Variants in PDE10A observed in about 807,000 individuals in gnomAD.
PDE10A encodes cAMP and cAMP-inhibited cGMP 3',5'-cyclic phosphodiesterase 10A.
A neutral mutation model predicts 97.7 loss-of-function variants in PDE10A; 39 were observed. The observed-to-expected ratio is 0.40, with a 90% CI of 0.31 to 0.52. The LOEUF is 0.52. Among genes scored for constraint, PDE10A ranks in the 20% least tolerant of loss-of-function variants. PDE10A has a pLI of 0.56. For synonymous variants in PDE10A, 371 were observed against 376.8 expected (o/e 0.98, Z 0.18); for missense variants, 731 against 1,047.8 (o/e 0.70, Z 4.17).
intron 3 of PDE10A, among the ~76,000 whole-genome samples, chr6:165,477,209 G>A (rs73035766): frequency 0.083 from 12,608 of 152,034 alleles, 658 homozygotes; most frequent in East Asian, 0.25. Flanking sequence ...CCTGTCTCAG[G>A]GCCTTTGCAC....
intron 1 of PDE10A, among the ~76,000 whole-genome samples, chr6:165,958,498 CAAGAAAGAAAGAAAGA>C (rs1379022208): frequency 1.0e-4 from 6 of 57,788 alleles, no homozygotes; most frequent in Non-Finnish European, 1.4e-4. Context: ...GAGAGAAAGA[CAAGAAAGAAAGAAAGA>C]AAGAAAGAAA....
chr6:165,887,066 G>T (rs1405608991), intron 1 of PDE10A, among the ~76,000 whole-genome samples: 1 of 152,178 alleles, frequency 6.6e-6, no homozygotes, highest in African/African-American at 2.4e-5. Flanking sequence ...CAATTGGGGA[G>T]ATTTATAAGA....
rs542345223 is a variant in PDE10A at position 165,350,879 on chromosome 6, T to C, written c.2784-7377A>G. Among the ~76,000 whole-genome samples the C allele has an allele frequency of 2.1e-4, 32 of 152,306 alleles. No homozygotes were observed. In the South Asian group the frequency reaches 6.4e-3, roughly 31 times the overall value. On this transcript the variant is annotated intron_variant, in intron 18 of 21. Transcript: ENST00000539869. ...GTGTTTGCTTCCCCTTCCATCATGA[T>C]TGTAAGTTTTCTGAGGCCTCCCTAG...
At chr6:165,791,475 C>T (rs1364225755) in intron 1 of PDE10A, among the ~76,000 whole-genome samples, 2 of 152,148 alleles carry the variant, frequency 1.3e-5, no homozygotes, top group East Asian at 1.9e-4. Context: ...GTGAACGGCG[C>T]TGCCACGGTC....
At chr6:165,511,469 G>GTCATA (rs1781504561) in intron 2 of PDE10A, among the ~76,000 whole-genome samples, 1 of 151,962 alleles carries the variant, frequency 6.6e-6, no homozygotes, top group East Asian at 1.9e-4. Flanking sequence ...TCCATGTGCT[G>GTCATA]ATGAGAAGAA....
At chr6:165,837,423 T>C in intron 1 of PDE10A, among the ~76,000 whole-genome samples, 1 of 152,214 alleles carries the variant, frequency 6.6e-6, no homozygotes, top group East Asian at 1.9e-4. Flanking sequence ...TTTATTAATT[T>C]TCTTCCTTTC....
intron 1 of PDE10A, among the ~76,000 whole-genome samples, chr6:165,946,089 G>T (rs1783757157): frequency 6.6e-6 from 1 of 152,088 alleles, no homozygotes; most frequent in Non-Finnish European, 1.5e-5. Flanking sequence ...TCATTGCCTA[G>T]ACCAATGTCA....
intron 18 of PDE10A, among the ~76,000 whole-genome samples, chr6:165,352,417 T>A (rs1307404492): frequency 6.6e-6 from 1 of 152,146 alleles, no homozygotes; most frequent in Non-Finnish European, 1.5e-5. Context: ...CTGTCATCCA[T>A]CAACTACCCA....
chr6:165,867,303 T>A (rs1781083891), intron 1 of PDE10A, among the ~76,000 whole-genome samples: 1 of 147,954 alleles, frequency 6.8e-6, no homozygotes, highest in Admixed American at 6.7e-5. Flanking sequence ...AAGACACACA[T>A]AGACTGAAAG....
chr6:165,343,460 A>G lies in PDE10A; in HGVS notation c.2826T>C (p.Cys942=), dbSNP rs751766369. The part of the protein sequence containing the change: ...IGLMMTACDL[C]SVTKLWPVTK... Reference sequence around the variant, plus strand: ...TAACGGGCCACAGTTTTGTCACAGAACAAAGGTCACAGGCAGTCATCATCA... The same window carrying G: ...TAACGGGCCACAGTTTTGTCACAGAGCAAAGGTCACAGGCAGTCATCATCA... Residue 942 remains cysteine, a synonymous_variant, in exon 19 of 22, where the codon TGT becomes TGC. Transcript: ENST00000539869. 5 of 1,613,950 alleles carry G rather than the reference A, an allele frequency of 3.1e-6. No homozygotes were observed. The highest frequency in any genetic ancestry group is 4.2e-6 in the Non-Finnish European group (5 of 1,179,958).
chr6:165,615,676 A>G (rs1323816391), intron 1 of PDE10A, among the ~76,000 whole-genome samples: 1 of 152,186 alleles, frequency 6.6e-6, no homozygotes, highest in Non-Finnish European at 1.5e-5. Flanking sequence ...CATAATAATA[A>G]GTTATTTGGT....
chr6:165,484,870 C>A (rs1779811055), intron 2 of PDE10A, among the ~76,000 whole-genome samples: 1 of 152,146 alleles, frequency 6.6e-6, no homozygotes, highest in Non-Finnish European at 1.5e-5. Flanking sequence ...ATGCACTTGT[C>A]TCAGTCACAG....
chr6:165,497,134 C>T, intron 2 of PDE10A, among the ~76,000 whole-genome samples: 1 of 151,480 alleles, frequency 6.6e-6, no homozygotes, highest in East Asian at 1.9e-4. Context: ...CAAGCCATAT[C>T]AAAAAAAAGG....
At chr6:165,946,501 A>G (rs201423817) in intron 1 of PDE10A, among the ~76,000 whole-genome samples, 1 of 36,536 alleles carries the variant, frequency 2.7e-5, no homozygotes, top group African/African-American at 3.4e-4. Flanking sequence ...CTCAAAATAA[A>G]AAAAAAAAAA....
At chr6:165,764,231 A>T (rs1368342145) in intron 1 of PDE10A, among the ~76,000 whole-genome samples, 1 of 152,208 alleles carries the variant, frequency 6.6e-6, no homozygotes, top group Non-Finnish European at 1.5e-5. Flanking sequence ...GTTATTCATC[A>T]TCCTGAATCT....
At position 165,430,261 on chromosome 6, in the gene PDE10A, T is replaced by A. The variant is rs1789456596; in HGVS notation, c.1601+26A>T. The A allele has an allele frequency of 8.4e-6, 13 of 1,553,622 alleles. No homozygotes were observed. The East Asian group carries it at 2.9e-4, about 35-fold the overall frequency. On this transcript the variant is annotated intron_variant, in intron 9 of 21. Transcript: ENST00000539869. ...ATTTAAACCATTGATTAATAAGAGC[T>A]ACTATCCCTAGAAATGAACACTTAC... is the stretch of plus-strand genomic sequence containing the variant.
intron 1 of PDE10A, among the ~76,000 whole-genome samples, chr6:165,814,319 C>T (rs1779353466): frequency 6.6e-6 from 1 of 152,160 alleles, no homozygotes; most frequent in South Asian, 2.1e-4. Context: ...CCACACCCTC[C>T]ACCGCCCGTA....
chr6:165,881,380 CTT>C (rs1781468328), intron 1 of PDE10A, among the ~76,000 whole-genome samples: 1 of 137,764 alleles, frequency 7.3e-6, no homozygotes, highest in African/African-American at 2.7e-5. Context: ...AATTTCTTTT[CTT>C]TTTTCTTTTC....
At chr6:165,891,269 T>C (rs10946105) in intron 1 of PDE10A, among the ~76,000 whole-genome samples, 70,782 of 152,076 alleles carry the variant, frequency 0.47, 16,711 homozygotes, top group East Asian at 0.66. Flanking sequence ...TGCTGGCTCA[T>C]GTAATGGTTA....
Sources: allele counts gnomAD v4.1 joint callset (sites outside exome capture counted in the v4.1 genomes callset), GRCh38; gene constraint gnomAD v4.1.1; transcripts MANE v1.5; gene names NCBI Gene and HGNC (gene_info 2026-07-23, HGNC 2026-07-21).